MKLN1: variants seen among roughly 807,000 people sequenced by gnomAD.
The protein encoded by MKLN1 is muskelin 1, also known as muskelin.
In MKLN1, 18 loss-of-function variants were observed where a neutral mutation model predicts 99.0. The observed-to-expected ratio is 0.18, with a 90% CI of 0.13 to 0.27. The LOEUF (loss-of-function observed/expected upper bound fraction) is 0.27, where lower values mean the gene tolerates loss of function less well. MKLN1 is among the 10% of genes least tolerant of loss of function. MKLN1 has a pLI of 1.00. For missense variants in MKLN1, 621 were observed against 875.9 expected, an observed-to-expected ratio of 0.71 and a Z score of 3.67; for synonymous variants, 288 against 293.2, an observed-to-expected ratio of 0.98 and a Z score of 0.18.
chr7:131,111,767 C>T (rs558371789), intron 1 of MKLN1, among the ~76,000 whole-genome samples: 7 of 59,496 alleles, frequency 1.2e-4, no homozygotes, highest in African/African-American at 2.0e-4. Context: ...TAAAATGAAA[C>T]GCATAAATAA....
intron 3 of MKLN1, among the ~76,000 whole-genome samples, chr7:131,318,226 C>T (rs1036618364): frequency 6.6e-6 from 1 of 152,076 alleles, no homozygotes; most frequent in African/African-American, 2.4e-5. Context: ...CACTCCTTAG[C>T]AAATGCAAAA....
At chr7:131,475,040 G>A (rs920591815) in intron 16 of MKLN1, among the ~76,000 whole-genome samples, 2 of 152,068 alleles carry the variant, frequency 1.3e-5, no homozygotes, top group African/African-American at 4.8e-5. Flanking sequence ...GGGGGAAATT[G>A]GCCCCTGTGA....
intron 1 of MKLN1, among the ~76,000 whole-genome samples, chr7:131,352,042 C>G (rs1799734806): frequency 6.6e-6 from 1 of 152,148 alleles, no homozygotes; most frequent in South Asian, 2.1e-4. Context: ...ATGCTTAATT[C>G]TTTCCTTTTA....
intron 1 of MKLN1, among the ~76,000 whole-genome samples, chr7:131,334,736 G>A (rs1225217264): frequency 6.6e-6 from 1 of 152,004 alleles, no homozygotes; most frequent in Non-Finnish European, 1.5e-5. Context: ...GCCACTTGTG[G>A]CAATGAGTTT....
chr7:131,387,453 A>G (rs774005934), intron 3 of MKLN1, among the ~76,000 whole-genome samples, 191 bp downstream of exon 3: 29 of 152,130 alleles, frequency 1.9e-4, no homozygotes, highest in Non-Finnish European at 4.1e-4. Context: ...TTTTTAACCA[A>G]CAGACCCTAG....
intron 3 of MKLN1, among the ~76,000 whole-genome samples, chr7:131,248,151 C>T (rs192863204): frequency 4.6e-4 from 70 of 152,148 alleles, no homozygotes; most frequent in African/African-American, 1.7e-3. Context: ...GTCTCAAACT[C>T]CTAGGCTCAA....
chr7:131,481,814 A>G (rs1021982167), intron 17 of MKLN1, among the ~76,000 whole-genome samples: 31 of 5,052 alleles, frequency 6.1e-3, no homozygotes, highest in Non-Finnish European at 9.2e-3. Context: ...TAAGGTCTGC[A>G]AAAAAAAAAA....
Position 131,487,188 on chromosome 7 carries a change from G to T in MKLN1, c.2087-419G>T, listed in dbSNP as rs1165382587. Among the ~76,000 whole-genome samples, 2 of 151,972 alleles carry T rather than the reference G, an allele frequency of 1.3e-5. No individual in the cohort carries two copies. Among genetic ancestry groups the T allele is most frequent in the Non-Finnish European group, 2.9e-5 (2 of 67,968 alleles). On this transcript the variant is annotated intron_variant, in intron 17 of 17. Transcript: ENST00000352689. The surrounding 1 kb of genome is among the most constrained non-coding windows in gnomAD (Gnocchi z 4.7). ...TTGTTACTAAAAAACTTTTTTAGTGGTTCAGAAGCATTAACAAGTCAGAAA... is the reference window on the plus strand; with the variant it reads ...TTGTTACTAAAAAACTTTTTTAGTGTTTCAGAAGCATTAACAAGTCAGAAA...
chr7:131,224,652 G>A (rs1209539638), intron 3 of MKLN1, among the ~76,000 whole-genome samples: 1 of 152,096 alleles, frequency 6.6e-6, no homozygotes, highest in Non-Finnish European at 1.5e-5. Flanking sequence ...TGACGCCAGA[G>A]GATTACTTGA....
chr7:131,348,376 A>G (rs755673113), intron 1 of MKLN1, among the ~76,000 whole-genome samples: 1 of 152,224 alleles, frequency 6.6e-6, no homozygotes, highest in Non-Finnish European at 1.5e-5. Flanking sequence ...AATAATTCAT[A>G]TATATGCAGA....
At chr7:131,218,504 T>A (rs1797016616) in intron 3 of MKLN1, among the ~76,000 whole-genome samples, 1 of 152,170 alleles carries the variant, frequency 6.6e-6, no homozygotes, top group African/African-American at 2.4e-5. Context: ...ACTAAATTCC[T>A]CCCATAATTA....
intron 3 of MKLN1, among the ~76,000 whole-genome samples, chr7:131,287,911 T>C (rs936287029): frequency 4.6e-5 from 7 of 152,182 alleles, no homozygotes; most frequent in Non-Finnish European, 1.0e-4. Flanking sequence ...TTCTCTCTCC[T>C]GACGCCATGT....
chr7:131,364,633 C>G (rs1279716563), intron 1 of MKLN1, among the ~76,000 whole-genome samples: 1 of 152,050 alleles, frequency 6.6e-6, no homozygotes, highest in Non-Finnish European at 1.5e-5. Context: ...TCCTCCCACC[C>G]TCCACCCTCA....
chr7:131,188,864 C>T (rs1182351614), intron 2 of MKLN1, among the ~76,000 whole-genome samples: 6 of 152,172 alleles, frequency 3.9e-5, no homozygotes, highest in Non-Finnish European at 7.4e-5. Flanking sequence ...AACGAGTCAT[C>T]ATACATCAGT....
intron 3 of MKLN1, among the ~76,000 whole-genome samples, chr7:131,315,418 G>A (rs1798647470): frequency 6.6e-6 from 1 of 152,196 alleles, no homozygotes; most frequent in South Asian, 2.1e-4. Flanking sequence ...GAGATCAGGA[G>A]AGTCCTTCGT....
At chr7:131,273,020 G>T (rs777724623) in intron 3 of MKLN1, among the ~76,000 whole-genome samples, 3 of 152,180 alleles carry the variant, frequency 2.0e-5, no homozygotes, top group Non-Finnish European at 4.4e-5. Context: ...GAAAGAGAAA[G>T]GATGTTAGAA....
intron 9 of MKLN1, among the ~76,000 whole-genome samples, chr7:131,435,581 T>C (rs1441267615): frequency 6.6e-6 from 1 of 152,190 alleles, no homozygotes; most frequent in Non-Finnish European, 1.5e-5. Context: ...TTTCAGTATG[T>C]GTAATTCCTT....
intron 1 of MKLN1, among the ~76,000 whole-genome samples, chr7:131,367,507 A>G (rs991201656): frequency 5.3e-5 from 8 of 152,168 alleles, no homozygotes; most frequent in African/African-American, 9.6e-5. Context: ...TGTGGTCACA[A>G]TCGCTTTGGT....
At chr7:131,458,614 C>T (rs187237543) in intron 12 of MKLN1, among the ~76,000 whole-genome samples, 1 of 152,202 alleles carries the variant, frequency 6.6e-6, no homozygotes, top group Admixed American at 6.5e-5. Flanking sequence ...TTTCCTGTGT[C>T]ATGTATCAGT....
Sources: allele counts gnomAD v4.1 joint callset (sites outside exome capture counted in the v4.1 genomes callset), GRCh38; gene constraint gnomAD v4.1.1; non-coding constraint Gnocchi (gnomAD v3.1); transcripts MANE v1.5; gene names NCBI Gene and HGNC (gene_info 2026-07-23, HGNC 2026-07-21).